The following PPP1R12A variants were observed in gnomAD, a reference collection of about 807,000 sequenced individuals.
PPP1R12A encodes protein phosphatase 1 regulatory subunit 12A, also known as myosin binding subunit.
A neutral mutation model predicts 139.6 loss-of-function variants in PPP1R12A; 19 were observed. The ratio of observed to expected loss-of-function variants is 0.14; its 90% CI spans 0.09 to 0.20. PPP1R12A has a LOEUF of 0.20. PPP1R12A is among the 10% of genes least tolerant of loss of function. PPP1R12A has a pLI of 1.00. For synonymous variants in PPP1R12A, 427 were observed against 420.6 expected, an observed-to-expected ratio of 1.02 and a Z score of -0.19; for missense variants, 925 against 1,211.5, an observed-to-expected ratio of 0.76 and a Z score of 3.51.
chr12:79,790,585 A>T (rs937774352), intron 19 of PPP1R12A, 102 bp from the exon 20 acceptor site: 10 of 800,082 alleles, frequency 1.2e-5, no homozygotes, highest in African/African-American at 1.8e-5. Flanking sequence ...CAATAGAAGC[A>T]AACGAATGAA....
At position 79,777,881 on chromosome 12, in the gene PPP1R12A, T is replaced by C. The variant is rs1259064951; in HGVS notation, c.3006+669A>G. Among the ~76,000 whole-genome samples, 9 of 152,152 alleles carry C rather than the reference T, an allele frequency of 5.9e-5. No individual in the cohort carries two copies. The East Asian group carries it at 1.7e-3, about 29-fold the overall frequency. ...AATCTTCAAAGCCATTCAATAATGG[T>C]CTAATAACAAACCAAACAATTTAAT... On this transcript the variant is annotated intron_variant, in intron 24 of 24. Transcript: ENST00000450142.
intron 10 of PPP1R12A, 32 bp from the exon 11 acceptor site, chr12:79,808,609 T>A: frequency 7.5e-7 from 1 of 1,334,504 alleles, no homozygotes; most frequent in Non-Finnish European, 1.1e-6. Context: ...AAGTAAAAAT[T>A]AATTTGGGTA....
intron 1 of PPP1R12A, among the ~76,000 whole-genome samples, chr12:79,898,434 G>A (rs1885330727): frequency 2.0e-5 from 3 of 152,136 alleles, no homozygotes; most frequent in Admixed American, 1.3e-4. Context: ...CCAGCCTGAT[G>A]ACAGAGTGAG....
chr12:79,922,239 G>C (rs1475873554), intron 1 of PPP1R12A, among the ~76,000 whole-genome samples: 1 of 152,096 alleles, frequency 6.6e-6, no homozygotes, highest in African/African-American at 2.4e-5. Flanking sequence ...CCCAGCCTGG[G>C]TAACAGAGCA....
At chr12:79,924,521 T>A (rs1244785612) in intron 1 of PPP1R12A, among the ~76,000 whole-genome samples, 2 of 152,142 alleles carry the variant, frequency 1.3e-5, no homozygotes, top group African/African-American at 4.8e-5. Context: ...CCCAACCTCC[T>A]GGGCTCAAGC....
chr12:79,779,019 G>T (rs1364138065), intron 23 of PPP1R12A: 1 of 245,204 alleles, frequency 4.1e-6, no homozygotes, highest in Non-Finnish European at 8.4e-6. Flanking sequence ...TGCAATTTCA[G>T]AGGAATGTAA....
intron 3 of PPP1R12A, among the ~76,000 whole-genome samples, chr12:79,842,052 G>A (rs1159366482): frequency 4.0e-5 from 6 of 151,612 alleles, no homozygotes; most frequent in South Asian, 2.1e-4. Flanking sequence ...AGATGCGGTC[G>A]CTCATGCCTG....
intron 1 of PPP1R12A, among the ~76,000 whole-genome samples, chr12:79,877,159 A>G (rs542019750): frequency 6.6e-6 from 1 of 152,284 alleles, no homozygotes; most frequent in East Asian, 1.9e-4. Flanking sequence ...GGAGGGAAGA[A>G]GTGTGAGGGG....
At chr12:79,926,087 T>G (rs1043778310) in intron 1 of PPP1R12A, among the ~76,000 whole-genome samples, 1 of 152,076 alleles carries the variant, frequency 6.6e-6, no homozygotes, top group African/African-American at 2.4e-5. Context: ...AAATGAACAC[T>G]CAAGGATTTG....
In PPP1R12A at chr12:79,820,640, A is replaced by C. The variant is rs1364482853; in HGVS notation, c.1114+134T>G. ...ATGTAAGTTTCTAGCATTCACTGAAAGATAATTTAGTAGTGTGGCAGGTAT... is the reference window on the plus strand; with the variant it reads ...ATGTAAGTTTCTAGCATTCACTGAACGATAATTTAGTAGTGTGGCAGGTAT... On this transcript the variant is annotated intron_variant, in intron 8 of 24. Coordinates refer to ENST00000450142, the MANE Select transcript of PPP1R12A (RefSeq NM_002480.3). The C allele has an allele frequency of 3.6e-6, 3 of 831,526 alleles. No homozygotes were observed. In the African/African-American group the frequency reaches 5.1e-5, roughly 14 times the overall value. The allele number at this position is 831,526 out of a possible 1,614,324, so 51.5% of individuals were successfully genotyped here.
At chr12:79,897,597 C>A (rs1885249553) in intron 1 of PPP1R12A, among the ~76,000 whole-genome samples, 2 of 152,132 alleles carry the variant, frequency 1.3e-5, no homozygotes, top group Non-Finnish European at 2.9e-5. Context: ...AAACAACAAG[C>A]CTCCTAAGTT....
intron 3 of PPP1R12A, among the ~76,000 whole-genome samples, chr12:79,839,722 CATGATTGT>C (rs374856690): frequency 4.6e-4 from 70 of 152,266 alleles, no homozygotes; most frequent in African/African-American, 1.6e-3. Flanking sequence ...GTCATGACTG[CATGATTGT>C]AAGTTTCCTG....
intron 2 of PPP1R12A, among the ~76,000 whole-genome samples, chr12:79,861,228 T>C (rs1457062839): frequency 3.3e-5 from 5 of 152,322 alleles, no homozygotes; most frequent in Middle Eastern, 3.4e-3. Context: ...CCCAAGGTCT[T>C]AGGAAGCCAA....
chr12:79,816,004 T>G (rs1268006515), intron 9 of PPP1R12A, among the ~76,000 whole-genome samples: 3 of 151,998 alleles, frequency 2.0e-5, no homozygotes, highest in Non-Finnish European at 4.4e-5. Context: ...TTCTGCAGTT[T>G]ATGATTTCAA....
chr12:79,917,991 C>T (rs1351762340), intron 1 of PPP1R12A, among the ~76,000 whole-genome samples: 1 of 151,868 alleles, frequency 6.6e-6, no homozygotes, highest in African/African-American at 2.4e-5. Flanking sequence ...TCCTTTATTC[C>T]TCTCCAACAG....
At chr12:79,873,721 C>T (rs367639620) in intron 1 of PPP1R12A, among the ~76,000 whole-genome samples, 7 of 151,954 alleles carry the variant, frequency 4.6e-5, no homozygotes, top group Non-Finnish European at 4.4e-5. Flanking sequence ...TTTGACAAAG[C>T]GGTACATATT....
At chr12:79,873,055 T>C (rs1429147840) in intron 1 of PPP1R12A, 117 bp from the exon 2 acceptor site, 20 of 1,128,130 alleles carry the variant, frequency 1.8e-5, no homozygotes, top group Non-Finnish European at 7.4e-6. Flanking sequence ...TCTCTGTAAA[T>C]AAATCTGCTG....
chr12:79,916,066 C>G (rs1164257050), intron 1 of PPP1R12A, among the ~76,000 whole-genome samples: 2 of 142,822 alleles, frequency 1.4e-5, no homozygotes, highest in African/African-American at 2.8e-5. Flanking sequence ...GTGTTCAACA[C>G]AGTCTCTTCC....
Position 79,928,698 on chromosome 12 carries a change from T to G in PPP1R12A, c.237+5997A>C, listed in dbSNP as rs116633929. ...ACAAACTATAAACTCTTAATTCAGA[T>G]TTTACATAGTAATCAAACTATTTGC... On this transcript the variant is annotated intron_variant, in intron 1 of 24. Transcript: ENST00000450142. 4.2e-3 allele frequency among the ~76,000 whole-genome samples: 637 copies of G among 152,356 alleles called. 2 individuals carry two copies. Among genetic ancestry groups the G allele is most frequent in the African/African-American group, 0.015 (606 of 41,582 alleles).
Sources: allele counts gnomAD v4.1 joint callset (sites outside exome capture counted in the v4.1 genomes callset), GRCh38; gene constraint gnomAD v4.1.1; transcripts MANE v1.5; gene names NCBI Gene and HGNC (gene_info 2026-07-23, HGNC 2026-07-21).